WDPCP: variants seen among roughly 807,000 people sequenced by gnomAD.
WDPCP encodes the protein WD repeat containing planar cell polarity effector.
Under a neutral mutation model 93.1 loss-of-function variants are expected in WDPCP, and 71 were observed. The observed-to-expected ratio is 0.76, with a 90% CI of 0.63 to 0.93. WDPCP has a LOEUF of 0.93. Ranked by LOEUF, WDPCP falls within the 40% of genes least tolerant of loss-of-function variation. The pLI, the probability that WDPCP is intolerant of heterozygous loss-of-function variation, is 0.00. For synonymous variants in WDPCP, 315 were observed against 315.0 expected, an observed-to-expected ratio of 1.00 and a Z score of 0.00; for missense variants, 844 against 887.4, an observed-to-expected ratio of 0.95 and a Z score of 0.62.
chr2:63,839,473 G>T, the WDPCP span, among the ~76,000 whole-genome samples: 2 of 152,204 alleles, frequency 1.3e-5, no homozygotes, highest in African/African-American at 4.8e-5. Context: ...CAGGAGAATC[G>T]CTTGAACCCG....
At chr2:63,282,317 C>A (rs1198514532) in intron 13 of WDPCP, among the ~76,000 whole-genome samples, 1 of 152,086 alleles carries the variant, frequency 6.6e-6, no homozygotes, top group East Asian at 1.9e-4. Context: ...CCAGCCTGGC[C>A]AACATGGTGA....
intron 10 of WDPCP, among the ~76,000 whole-genome samples, chr2:63,387,451 GAAAA>G (rs1001450885): frequency 6.6e-6 from 1 of 151,180 alleles, no homozygotes; most frequent in Non-Finnish European, 1.5e-5. Context: ...TTAAAAAAAA[GAAAA>G]AAAACCTCAA....
chr2:63,785,931 T>A (rs1350888132), intron 2 of WDPCP, among the ~76,000 whole-genome samples: 1 of 152,232 alleles, frequency 6.6e-6, no homozygotes, highest in Non-Finnish European at 1.5e-5. Flanking sequence ...CTTCATGTAT[T>A]GCAAACAAGA....
At chr2:63,163,766 C>T (rs1160464623) in intron 15 of WDPCP, among the ~76,000 whole-genome samples, 1 of 152,048 alleles carries the variant, frequency 6.6e-6, no homozygotes, top group East Asian at 1.9e-4. Context: ...AGTCTACTGC[C>T]AGGCATTCTG....
intron 17 of WDPCP, among the ~76,000 whole-genome samples, chr2:63,150,505 G>A (rs1671817792): frequency 6.6e-6 from 1 of 152,148 alleles, no homozygotes; most frequent in South Asian, 2.1e-4. Context: ...CAGAAACCCT[G>A]TTCTAAGAGC....
At chr2:63,515,271 C>T (rs1702478948) in intron 1 of WDPCP, among the ~76,000 whole-genome samples, 1 of 152,114 alleles carries the variant, frequency 6.6e-6, no homozygotes, top group Non-Finnish European at 1.5e-5. Context: ...GATAACTATA[C>T]ATTCTCTTTT....
At chr2:63,570,348 T>C (rs1031601233) in intron 1 of WDPCP, among the ~76,000 whole-genome samples, 1 of 152,200 alleles carries the variant, frequency 6.6e-6, no homozygotes, top group African/African-American at 2.4e-5. Flanking sequence ...ATGAACTTGA[T>C]GGATGTTTAT....
intron 3 of WDPCP, among the ~76,000 whole-genome samples, chr2:63,630,278 C>T (rs1337557753): frequency 6.6e-6 from 1 of 152,008 alleles, no homozygotes; most frequent in Non-Finnish European, 1.5e-5. Flanking sequence ...GATTTAAACT[C>T]TAATATATCA....
intron 6 of WDPCP, among the ~76,000 whole-genome samples, chr2:63,455,118 A>T (rs1228808338): frequency 6.6e-6 from 1 of 152,136 alleles, no homozygotes; most frequent in East Asian, 1.9e-4. Context: ...TATAAAAATC[A>T]TTGGTAATAC....
chr2:63,691,244 T>A (rs993040611), intron 2 of WDPCP, among the ~76,000 whole-genome samples: 9 of 152,164 alleles, frequency 5.9e-5, no homozygotes, highest in Non-Finnish European at 1.2e-4. Flanking sequence ...AACATCAGGA[T>A]GTTTGGATAG....
At chr2:63,148,249 C>T (rs541168794) in intron 17 of WDPCP, among the ~76,000 whole-genome samples, 1 of 152,118 alleles carries the variant, frequency 6.6e-6, no homozygotes, top group East Asian at 1.9e-4. Flanking sequence ...ATGGCTTGAG[C>T]TTGGGAGGTT....
chr2:63,519,724 G>GA (rs888037430), intron 1 of WDPCP, among the ~76,000 whole-genome samples: 32 of 146,172 alleles, frequency 2.2e-4, no homozygotes, highest in African/African-American at 5.3e-4. Flanking sequence ...GAGGATAAAA[G>GA]AAAAAAAAAA....
chr2:63,279,804 A>G (rs1243775618), intron 13 of WDPCP, among the ~76,000 whole-genome samples: 2 of 152,196 alleles, frequency 1.3e-5, no homozygotes, highest in Non-Finnish European at 2.9e-5. Flanking sequence ...TAGCTCTGCT[A>G]TATACTAACA....
intron 9 of WDPCP, among the ~76,000 whole-genome samples, chr2:63,414,472 TAC>T (rs146569752): frequency 0.033 from 4,878 of 148,770 alleles, 202 homozygotes; most frequent in East Asian, 0.14. Flanking sequence ...CACACACATA[TAC>T]ACACACACAC....
At chr2:63,297,034 C>T (rs1684919250) in intron 13 of WDPCP, among the ~76,000 whole-genome samples, 3 of 152,118 alleles carry the variant, frequency 2.0e-5, no homozygotes, top group Admixed American at 2.0e-4. Context: ...TATCTGAATG[C>T]TGTTGTTCTG....
At chr2:63,489,041 C>G (rs917799640) in intron 2 of WDPCP, among the ~76,000 whole-genome samples, 3 of 152,050 alleles carry the variant, frequency 2.0e-5, no homozygotes, top group African/African-American at 7.2e-5. Context: ...CATGAAGCAA[C>G]AGCCTGGTGT....
At chr2:63,492,604 G>A (rs552196859) in intron 2 of WDPCP, among the ~76,000 whole-genome samples, 43 of 151,944 alleles carry the variant, frequency 2.8e-4, no homozygotes, top group East Asian at 2.5e-3. Context: ...TCCTAGGCTC[G>A]TGTGTATCTT....
At chr2:63,594,997 A>G (rs1204319580) in intron 3 of WDPCP, 2 of 268,606 alleles carry the variant, frequency 7.4e-6, no homozygotes, top group Admixed American at 5.1e-5. Context: ...AAGCCTGATT[A>G]ATATACACTA....
chr2:63,656,058 T>C (rs1348796268), intron 2 of WDPCP, among the ~76,000 whole-genome samples: 1 of 152,228 alleles, frequency 6.6e-6, no homozygotes, highest in East Asian at 1.9e-4. Flanking sequence ...AGAACCTCTT[T>C]GCAAGCCCTG....
Sources: gnomAD v4.1 joint callset for allele counts (sites outside exome capture counted in the v4.1 genomes callset) on GRCh38, gnomAD v4.1.1 for gene constraint, MANE v1.5 for transcripts, NCBI Gene and HGNC (gene_info 2026-07-23, HGNC 2026-07-21) for gene names.